Variants in ADAM22 observed in about 807,000 individuals in gnomAD.
The protein encoded by ADAM22 is ADAM metallopeptidase domain 22, also known as disintegrin and metalloproteinase domain-containing protein 22.
Under a neutral mutation model 144.6 loss-of-function variants are expected in ADAM22, and 65 were observed. That is an observed-to-expected ratio of 0.45 (90% CI 0.37 to 0.55). The LOEUF (loss-of-function observed/expected upper bound fraction) is 0.55, where lower values mean the gene tolerates loss of function less well. ADAM22 is among the 20% of genes least tolerant of loss of function. The pLI, the probability that ADAM22 is intolerant of heterozygous loss-of-function variation, is 0.00. For missense variants in ADAM22, 974 were observed against 1,184.9 expected (o/e 0.82, Z 2.61); for synonymous variants, 391 against 412.6 (o/e 0.95, Z 0.63).
intron 2 of ADAM22, among the ~76,000 whole-genome samples, chr7:87,939,667 G>A (rs779635166): frequency 2.6e-5 from 4 of 152,102 alleles, no homozygotes; most frequent in Non-Finnish European, 5.9e-5. Flanking sequence ...CACTATATGA[G>A]TCTTTGTTAA....
chr7:88,192,809 T>C (rs1045268571), intron 30 of ADAM22, among the ~76,000 whole-genome samples: 1 of 152,252 alleles, frequency 6.6e-6, no homozygotes, highest in Non-Finnish European at 1.5e-5. Context: ...GCTCTTAGAA[T>C]AATTTCATCC....
chr7:87,966,414 T>A (rs889347433), intron 2 of ADAM22, among the ~76,000 whole-genome samples: 1 of 152,178 alleles, frequency 6.6e-6, no homozygotes, highest in Non-Finnish European at 1.5e-5. Context: ...AGGCCTTAAA[T>A]TGAAGGCCTA....
chr7:88,098,742 A>G (rs926033137), intron 4 of ADAM22, among the ~76,000 whole-genome samples: 1 of 151,916 alleles, frequency 6.6e-6, no homozygotes, highest in African/African-American at 2.4e-5. Flanking sequence ...TGCTACAATA[A>G]TATTCTTACA....
At chr7:88,060,028 A>G (rs1227182898) in intron 3 of ADAM22, among the ~76,000 whole-genome samples, 2 of 152,198 alleles carry the variant, frequency 1.3e-5, no homozygotes, top group Non-Finnish European at 2.9e-5. Context: ...TACTGTGTTT[A>G]CACTATATTA....
intron 2 of ADAM22, chr7:87,964,783 A>G (rs1848685223): frequency 3.2e-6 from 1 of 312,894 alleles, no homozygotes; most frequent in Admixed American, 4.6e-5. Context: ...CTGGAACTCA[A>G]GGGCAAGGAG....
intron 3 of ADAM22, among the ~76,000 whole-genome samples, chr7:88,049,706 C>T (rs971006537): frequency 6.6e-6 from 1 of 152,092 alleles, no homozygotes; most frequent in South Asian, 2.1e-4. Flanking sequence ...CTACCGTGTA[C>T]ATTATTTCAT....
chr7:87,995,508 C>G (rs1790955424), intron 3 of ADAM22, among the ~76,000 whole-genome samples: 1 of 152,162 alleles, frequency 6.6e-6, no homozygotes, highest in Non-Finnish European at 1.5e-5. Flanking sequence ...GGGTCCCTTC[C>G]TACTCCCATA....
intron 3 of ADAM22, among the ~76,000 whole-genome samples, chr7:88,017,565 CT>C (rs1281501917): frequency 6.6e-5 from 10 of 152,024 alleles, no homozygotes; most frequent in African/African-American, 2.4e-4. Context: ...AGGGCTGGCA[CT>C]TTTTCTTTTT....
intron 2 of ADAM22, among the ~76,000 whole-genome samples, chr7:87,969,566 TTTAA>T (rs1485497885): frequency 6.6e-6 from 1 of 152,212 alleles, no homozygotes; most frequent in Non-Finnish European, 1.5e-5. Flanking sequence ...CTATCACTTA[TTTAA>T]TTATTACAGC....
intron 3 of ADAM22, among the ~76,000 whole-genome samples, chr7:88,031,236 AT>A (rs1384422851): frequency 3.9e-5 from 6 of 152,338 alleles, no homozygotes; most frequent in African/African-American, 1.4e-4. Context: ...GGAGTGGGGT[AT>A]TGCTATAAGG....
chr7:87,935,179 GC>G lies in ADAM22; in HGVS notation c.242del (p.Pro81ArgfsTer3). On this transcript the variant is annotated frameshift_variant, in exon 2 of 32. Transcript: ENST00000413139. LOFTEE classifies it high-confidence loss of function. ...LDTRVRGDLG[G>X]PQLTHVDQAS... ...ACGCGGGTGCGGGGCGACCTCGGTG[GC>G]CCGCAGGTGAGAGGCTCGGTCCGGG... The G allele has an allele frequency of 6.2e-7, 1 of 1,604,070 alleles. No homozygotes were observed. Among genetic ancestry groups the G allele is most frequent in the Non-Finnish European group, 8.5e-7 (1 of 1,175,050 alleles).
chr7:88,147,078 C>G (rs1288911899), intron 17 of ADAM22, among the ~76,000 whole-genome samples: 1 of 152,198 alleles, frequency 6.6e-6, no homozygotes, highest in Non-Finnish European at 1.5e-5. Flanking sequence ...ATTTATACAA[C>G]TAGGCTCCCT....
At chr7:88,118,630 T>G (rs1828420712) in intron 7 of ADAM22, among the ~76,000 whole-genome samples, 1 of 128,230 alleles carries the variant, frequency 7.8e-6, no homozygotes. Flanking sequence ...TGCTAGGATA[T>G]AACCTTATAT....
At position 88,098,547 on chromosome 7, in the gene ADAM22, C is replaced by T. The variant is rs527570170; in HGVS notation, c.391-9629C>T. Among the ~76,000 whole-genome samples the T allele has an allele frequency of 5.3e-4, 80 of 152,074 alleles. 1 individual carries two copies. The highest frequency in any genetic ancestry group is 1.1e-3 in the African/African-American group (45 of 41,516). On this transcript the variant is annotated intron_variant, in intron 4 of 31. Transcript: ENST00000413139. Reference sequence around the variant, plus strand: ...TGCTAGATTAGGGTGCGCCCTAATCCGATGGTTGGTGTCCTTACCAGAGAA... The same window carrying T: ...TGCTAGATTAGGGTGCGCCCTAATCTGATGGTTGGTGTCCTTACCAGAGAA...
At chr7:88,091,058 G>A (rs1208284897) in intron 4 of ADAM22, among the ~76,000 whole-genome samples, 2 of 152,160 alleles carry the variant, frequency 1.3e-5, no homozygotes, top group Admixed American at 1.3e-4. Context: ...GTAAGTCATA[G>A]TGAGCTAGCT....
intron 3 of ADAM22, among the ~76,000 whole-genome samples, chr7:88,021,590 A>G (rs1204131542): frequency 2.0e-5 from 3 of 152,214 alleles, no homozygotes; most frequent in African/African-American, 7.2e-5. Flanking sequence ...ATGTAAAAAT[A>G]TATTGGCTGT....
chr7:87,952,874 G>C (rs1017536104), intron 2 of ADAM22, among the ~76,000 whole-genome samples: 4 of 152,078 alleles, frequency 2.6e-5, no homozygotes, highest in African/African-American at 9.7e-5. Flanking sequence ...GTCTTGGGAG[G>C]GTGTATGTGT....
At chr7:87,947,350 T>G (rs1298673067) in intron 2 of ADAM22, among the ~76,000 whole-genome samples, 1 of 152,198 alleles carries the variant, frequency 6.6e-6, no homozygotes, top group Non-Finnish European at 1.5e-5. Flanking sequence ...TGAAAGTACC[T>G]TCTAACTTGG....
At chr7:87,959,093 T>C (rs1847463551) in intron 2 of ADAM22, among the ~76,000 whole-genome samples, 1 of 152,110 alleles carries the variant, frequency 6.6e-6, no homozygotes. Flanking sequence ...ACAAAATAAA[T>C]CTCAAATGTA....
Sources: allele counts gnomAD v4.1 joint callset (sites outside exome capture counted in the v4.1 genomes callset), GRCh38; gene constraint gnomAD v4.1.1; transcripts MANE v1.5; gene names NCBI Gene and HGNC (gene_info 2026-07-23, HGNC 2026-07-21).